The following TAS2R1 variants were observed in gnomAD, a reference collection of about 807,000 sequenced individuals.
TAS2R1 encodes taste 2 receptor member 1.
For missense variants in TAS2R1, 370 were observed against 353.4 expected (o/e 1.05, Z -0.38); for synonymous variants, 141 against 134.2 (o/e 1.05, Z -0.35).
At chr5:9,749,162 GA>G in the TAS2R1 span, among the ~76,000 whole-genome samples, 3 of 152,252 alleles carry the variant, frequency 2.0e-5, no homozygotes, top group African/African-American at 7.2e-5. Flanking sequence ...ACTCTAATAG[GA>G]ATATAAAATG....
the TAS2R1 span, among the ~76,000 whole-genome samples, chr5:9,773,741 C>T: frequency 6.6e-6 from 1 of 152,150 alleles, no homozygotes. Flanking sequence ...ATATGTCATG[C>T]CACTCTCTCC....
chr5:9,647,949 T>G (rs1286705116), intron 2 of TAS2R1, among the ~76,000 whole-genome samples: 1 of 152,180 alleles, frequency 6.6e-6, no homozygotes, highest in Admixed American at 6.5e-5. Context: ...ACTTTATTTT[T>G]CTAGTTCGAC....
At chr5:9,724,493 A>G in the TAS2R1 span, among the ~76,000 whole-genome samples, 5 of 152,096 alleles carry the variant, frequency 3.3e-5, no homozygotes, top group East Asian at 7.7e-4. Context: ...ACAAAAATCC[A>G]TTTTATATCC....
chr5:9,857,228 G>C, the TAS2R1 span, among the ~76,000 whole-genome samples: 1 of 152,204 alleles, frequency 6.6e-6, no homozygotes, highest in Non-Finnish European at 1.5e-5. Flanking sequence ...TTTAGTATTT[G>C]ACAGTACGGT....
At chr5:9,802,578 T>C in the TAS2R1 span, among the ~76,000 whole-genome samples, 1 of 152,100 alleles carries the variant, frequency 6.6e-6, no homozygotes, top group African/African-American at 2.4e-5. Flanking sequence ...ACCAAGATCA[T>C]AGATCCAAAC....
chr5:9,792,989 A>G, the TAS2R1 span, among the ~76,000 whole-genome samples: 1 of 152,208 alleles, frequency 6.6e-6, no homozygotes, highest in Non-Finnish European at 1.5e-5. Flanking sequence ...AATAGGGATG[A>G]TTCCATTGCA....
the TAS2R1 span, among the ~76,000 whole-genome samples, chr5:9,898,129 C>T: frequency 1.3e-5 from 2 of 152,156 alleles, no homozygotes; most frequent in East Asian, 3.8e-4. Context: ...GGCTAATTTT[C>T]CTTGCCTAAT....
chr5:9,631,712 A>G (rs1739876698), upstream of TAS2R1, among the ~76,000 whole-genome samples: 1 of 152,258 alleles, frequency 6.6e-6, no homozygotes, highest in African/African-American at 2.4e-5. Context: ...TAAATGTGTC[A>G]TAAAGAATAC....
chr5:9,695,947 G>A (rs559364586), intron 1 of TAS2R1, among the ~76,000 whole-genome samples: 17 of 152,288 alleles, frequency 1.1e-4, no homozygotes, highest in Admixed American at 7.2e-4. Context: ...ATTAGGGTGG[G>A]AAATAAAGTA....
At chr5:9,704,903 A>G (rs1449490830) in intron 1 of TAS2R1, among the ~76,000 whole-genome samples, 1 of 152,240 alleles carries the variant, frequency 6.6e-6, no homozygotes, top group Admixed American at 6.5e-5. Context: ...CGGTGTTACC[A>G]GTTTACTTCT....
the TAS2R1 span, among the ~76,000 whole-genome samples, chr5:9,863,965 C>T: frequency 5.9e-5 from 9 of 152,198 alleles, no homozygotes; most frequent in Admixed American, 1.3e-4. Context: ...ATAGGGCTCT[C>T]GGGTGAAAGC....
the TAS2R1 span, among the ~76,000 whole-genome samples, chr5:9,831,626 T>TG: frequency 6.6e-5 from 10 of 151,966 alleles, no homozygotes; most frequent in Admixed American, 2.0e-4. Context: ...TTTCTGTTTT[T>TG]TTTTCAAATC....
intron 1 of TAS2R1, among the ~76,000 whole-genome samples, chr5:9,661,913 T>G (rs1269722894): frequency 6.6e-6 from 1 of 152,236 alleles, no homozygotes; most frequent in Non-Finnish European, 1.5e-5. Flanking sequence ...TCAGGTTTAC[T>G]CCCTCCCAGT....
At chr5:9,696,843 G>A (rs923689837) in intron 1 of TAS2R1, among the ~76,000 whole-genome samples, 2 of 151,134 alleles carry the variant, frequency 1.3e-5, no homozygotes, top group South Asian at 2.1e-4. Context: ...GAGAAACCCT[G>A]TCTCTACTAA....
At chr5:9,711,276 A>G (rs77516426) in intron 1 of TAS2R1, among the ~76,000 whole-genome samples, 1 of 152,174 alleles carries the variant, frequency 6.6e-6, no homozygotes, top group Non-Finnish European at 1.5e-5. Flanking sequence ...ATGTCCATTG[A>G]TGGGTGAGTG....
the TAS2R1 span, among the ~76,000 whole-genome samples, chr5:9,801,269 A>G: frequency 6.6e-6 from 1 of 152,252 alleles, no homozygotes. Context: ...GGCCATTACC[A>G]GAACCTGAAC....
the TAS2R1 span, among the ~76,000 whole-genome samples, chr5:9,761,690 T>G: frequency 1.3e-5 from 2 of 152,250 alleles, no homozygotes; most frequent in Non-Finnish European, 2.9e-5. Context: ...TATGATCCTC[T>G]GCGTCTGCTC....
chr5:9,854,604 T>C, the TAS2R1 span: 1 of 152,128 alleles, frequency 6.6e-6, no homozygotes, highest in East Asian at 1.9e-4. Flanking sequence ...AAAGAGTATA[T>C]TGAGGCCAAA....
At chr5:9,680,427 GA>G (rs1260721953) in intron 1 of TAS2R1, among the ~76,000 whole-genome samples, 1 of 151,854 alleles carries the variant, frequency 6.6e-6, no homozygotes, top group African/African-American at 2.4e-5. Context: ...TCGAAAGGAA[GA>G]AAAAAAGAAT....
Sources: gnomAD v4.1 joint callset for allele counts (sites outside exome capture counted in the v4.1 genomes callset) on GRCh38, gnomAD v4.1.1 for gene constraint, MANE v1.5 for transcripts, NCBI Gene and HGNC (gene_info 2026-07-23, HGNC 2026-07-21) for gene names.